Variants in DCC observed in about 807,000 individuals in gnomAD.
DCC encodes netrin receptor DCC.
A neutral mutation model predicts 172.5 loss-of-function variants in DCC; 58 were observed. The observed-to-expected ratio is 0.34, with a 90% CI of 0.27 to 0.42. The LOEUF is 0.42. Ranked by LOEUF, DCC falls within the 10% of genes least tolerant of loss-of-function variation. The pLI is 1.00. For missense variants in DCC, 1,740 were observed against 1,791.0 expected (o/e 0.97, Z 0.51); for synonymous variants, 709 against 644.5 (o/e 1.10, Z -1.52).
At chr18:52,560,563 T>G (rs1329606716) in intron 1 of DCC, among the ~76,000 whole-genome samples, 1 of 152,152 alleles carries the variant, frequency 6.6e-6, no homozygotes, top group African/African-American at 2.4e-5. Flanking sequence ...TTCATCCTTC[T>G]GTAGAATAGA....
At chr18:52,978,834 A>T (rs1246154394) in intron 5 of DCC, among the ~76,000 whole-genome samples, 1 of 152,068 alleles carries the variant, frequency 6.6e-6, no homozygotes, top group Non-Finnish European at 1.5e-5. Context: ...TCCATTTTTG[A>T]CTTATTTCAC....
At chr18:53,208,154 G>A (rs1000445640) in intron 11 of DCC, among the ~76,000 whole-genome samples, 3 of 148,556 alleles carry the variant, frequency 2.0e-5, no homozygotes, top group South Asian at 2.1e-4. Context: ...ATGCACCTGC[G>A]ATCCCAGCTA....
intron 9 of DCC, among the ~76,000 whole-genome samples, chr18:53,202,366 T>C (rs1230843350): frequency 1.3e-5 from 2 of 152,050 alleles, no homozygotes; most frequent in Admixed American, 6.6e-5. Flanking sequence ...AGGACAATAA[T>C]GAATTATAGA....
chr18:53,340,537 C>G (rs1000728849), intron 15 of DCC, among the ~76,000 whole-genome samples: 12 of 152,102 alleles, frequency 7.9e-5, no homozygotes, highest in Admixed American at 5.9e-4. Context: ...TCAACTCAAC[C>G]TCATTTTTTA....
At chr18:53,043,709 A>C (rs1283379032) in intron 5 of DCC, among the ~76,000 whole-genome samples, 2 of 151,954 alleles carry the variant, frequency 1.3e-5, no homozygotes, top group Non-Finnish European at 2.9e-5. Context: ...ATGTGACATC[A>C]CTGAATGGCA....
At chr18:53,340,009 C>A in intron 15 of DCC, 102 bp downstream of exon 15, 2 of 980,024 alleles carry the variant, frequency 2.0e-6, no homozygotes, top group East Asian at 2.6e-5. Flanking sequence ...ATGGTTTCAA[C>A]TTACAGCATG....
intron 1 of DCC, among the ~76,000 whole-genome samples, chr18:52,740,382 C>T (rs114183404): frequency 8.9e-4 from 136 of 152,234 alleles, no homozygotes; most frequent in African/African-American, 3.1e-3. Flanking sequence ...AAAATATCAC[C>T]TTTCTATTGA....
At chr18:53,489,620 A>G (rs545868974) in intron 26 of DCC, among the ~76,000 whole-genome samples, 1 of 152,336 alleles carries the variant, frequency 6.6e-6, no homozygotes, top group South Asian at 2.1e-4. Flanking sequence ...TTTTTCCTCC[A>G]AAGTTATCTG....
Position 53,446,124 on chromosome 18 carries a change from A to AAAAAAAAAAAAAAAAAAAC in DCC, c.3230-4376_3230-4375insAAAAAAAAAAAAAAAAAAC, listed in dbSNP as rs369426007. 6.3e-4 allele frequency among the ~76,000 whole-genome samples: 74 copies of AAAAAAAAAAAAAAAAAAAC among 117,266 alleles called. 12 individuals are homozygous for AAAAAAAAAAAAAAAAAAAC. The highest frequency in any genetic ancestry group is 5.5e-3 in the Middle Eastern group (1 of 182). 76.9% of individuals were successfully genotyped at this position (117,266 alleles called of 152,430 possible). A position where few individuals can be genotyped will look rare whatever the true frequency, so the allele number is the denominator to read the frequency against. On this transcript the variant is annotated intron_variant, in intron 22 of 28. Transcript: ENST00000442544. ...AAAAAAAAAAAAAAAACAAAAAAAAACACTTAAAAATTTTCCAGGGATGGT... is the reference window on the plus strand; with the variant it reads ...AAAAAAAAAAAAAAAACAAAAAAAAAAAAAAAAAAAAAAAAAAACCACTTAAAAATTTTCCAGGGATGGT...
In DCC at chr18:53,499,465, G is replaced by A. The variant is rs767487403; in HGVS notation, c.4066G>A (p.Ala1356Thr). 1.2e-6 allele frequency: 2 copies of A among 1,614,108 alleles called. No homozygotes were observed. The highest frequency in any genetic ancestry group is 1.3e-5 in the African/African-American group (1 of 75,006). Residue 1356 changes from alanine (A) to threonine (T), a missense_variant, in exon 27 of 29, where the codon GCA (alanine) becomes ACA (threonine). Transcript: ENST00000442544. ...TCCTTTGCTACCTCCACCAATGAGTGCAATAGAACCGAAAGTCCCTTACAC... is the reference window on the plus strand; with the variant it reads ...TCCTTTGCTACCTCCACCAATGAGTACAATAGAACCGAAAGTCCCTTACAC... ...ANPLLPPPMSAIEPKVPYTPL... is the reference protein window; with the variant it reads ...ANPLLPPPMSTIEPKVPYTPL...
At chr18:52,960,834 T>G (rs1270978853) in intron 5 of DCC, among the ~76,000 whole-genome samples, 1 of 152,140 alleles carries the variant, frequency 6.6e-6, no homozygotes, top group Non-Finnish European at 1.5e-5. Context: ...GGATTGATGT[T>G]TGAAGTAAGT....
chr18:52,872,938 A>G (rs1441264511), intron 2 of DCC, among the ~76,000 whole-genome samples: 1 of 152,202 alleles, frequency 6.6e-6, no homozygotes, highest in East Asian at 1.9e-4. Context: ...AAAATAAGCT[A>G]TTACATTTTC....
At chr18:52,845,906 G>A (rs191375167) in intron 2 of DCC, among the ~76,000 whole-genome samples, 2 of 150,400 alleles carry the variant, frequency 1.3e-5, no homozygotes, top group Admixed American at 1.3e-4. Flanking sequence ...CCTCCTTAGA[G>A]GTTAGTTTGT....
At chr18:52,523,401 A>G (rs1238636238) in intron 1 of DCC, among the ~76,000 whole-genome samples, 1 of 152,166 alleles carries the variant, frequency 6.6e-6, no homozygotes, top group Non-Finnish European at 1.5e-5. Context: ...CTTTCTATTT[A>G]GTTTTACAAA....
At chr18:52,500,945 A>G (rs1019904592) in intron 1 of DCC, among the ~76,000 whole-genome samples, 2 of 152,210 alleles carry the variant, frequency 1.3e-5, no homozygotes, top group African/African-American at 2.4e-5. Flanking sequence ...TGACACGTGG[A>G]CATATAAGAT....
chr18:53,486,669 A>G (rs571649386), intron 25 of DCC, 128 bp from the exon 26 acceptor site: 1 of 1,255,378 alleles, frequency 8.0e-7, no homozygotes, highest in Admixed American at 2.0e-5. Context: ...GAGGTAAGTA[A>G]GGGAACCTAG....
chr18:52,819,508 C>T (rs940607966), intron 2 of DCC, among the ~76,000 whole-genome samples: 10 of 152,052 alleles, frequency 6.6e-5, no homozygotes, highest in African/African-American at 2.2e-4. Context: ...CATAATGATT[C>T]ATGTGGTCTT....
intron 1 of DCC, among the ~76,000 whole-genome samples, chr18:52,575,790 A>G (rs2033394924): frequency 6.6e-6 from 1 of 152,240 alleles, no homozygotes; most frequent in Admixed American, 6.5e-5. Context: ...ACTTAGGGAT[A>G]TAAAAAATAA....
In DCC at chr18:52,343,169, C is replaced by T. The variant is rs190375481; in HGVS notation, c.91+2291C>T. 8.1e-4 allele frequency among the ~76,000 whole-genome samples: 123 copies of T among 152,348 alleles called. 1 individual carries two copies. Among genetic ancestry groups the T allele is most frequent in the African/African-American group, 2.8e-3 (115 of 41,578 alleles). On this transcript the variant is annotated intron_variant, in intron 1 of 28. Transcript: ENST00000442544. The stretch of plus-strand genomic sequence containing the variant: ...TTTAAGATATTGCCAATTCACAACA[C>T]TCTGGCCTTTGCTCATTAATCTGAG...
Sources: allele counts gnomAD v4.1 joint callset (sites outside exome capture counted in the v4.1 genomes callset), GRCh38; gene constraint gnomAD v4.1.1; transcripts MANE v1.5; gene names NCBI Gene and HGNC (gene_info 2026-07-23, HGNC 2026-07-21).